WDPCP: variants seen among roughly 807,000 people sequenced by gnomAD.
The protein encoded by WDPCP is WD repeat containing planar cell polarity effector.
WDPCP carries 71 observed loss-of-function variants against 93.1 expected under a neutral mutation model. The ratio of observed to expected loss-of-function variants is 0.76; its 90% CI spans 0.63 to 0.93. WDPCP has a LOEUF of 0.93. Ranked by LOEUF, WDPCP falls within the 40% of genes least tolerant of loss-of-function variation. The pLI, the probability that WDPCP is intolerant of heterozygous loss-of-function variation, is 0.00. For synonymous variants in WDPCP, 315 were observed against 315.0 expected (o/e 1.00, Z 0.00); for missense variants, 844 against 887.4 (o/e 0.95, Z 0.62).
chr2:63,739,187 C>A (rs1216958346), intron 2 of WDPCP, among the ~76,000 whole-genome samples: 1 of 152,092 alleles, frequency 6.6e-6, no homozygotes, highest in East Asian at 1.9e-4. Flanking sequence ...CTTCCTCCCA[C>A]CTCAAGTAGA....
intron 1 of WDPCP, among the ~76,000 whole-genome samples, chr2:63,555,465 C>A (rs1395774615): frequency 6.6e-6 from 1 of 152,230 alleles, no homozygotes; most frequent in Non-Finnish European, 1.5e-5. Context: ...CCCCCCAGTG[C>A]AGCACACCCT....
chr2:63,595,496 A>T, intron 3 of WDPCP: 1 of 1,611,440 alleles, frequency 6.2e-7, no homozygotes. Flanking sequence ...GAACTGCAAG[A>T]CTGTGCCCTT....
intron 9 of WDPCP, among the ~76,000 whole-genome samples, chr2:63,407,533 C>T (rs1694683012): frequency 6.6e-6 from 1 of 152,154 alleles, no homozygotes; most frequent in Non-Finnish European, 1.5e-5. Flanking sequence ...CCCACATTTT[C>T]CCTGCTCTAT....
At chr2:63,482,268 G>A (rs868509783) in intron 6 of WDPCP, among the ~76,000 whole-genome samples, 20 of 151,928 alleles carry the variant, frequency 1.3e-4, no homozygotes, top group African/African-American at 4.3e-4. Flanking sequence ...AGAAAATGAC[G>A]TACATTAGCA....
intron 14 of WDPCP, among the ~76,000 whole-genome samples, chr2:63,235,813 C>T (rs1679339510): frequency 6.6e-6 from 1 of 151,874 alleles, no homozygotes; most frequent in Non-Finnish European, 1.5e-5. Flanking sequence ...TGATAAAAAC[C>T]CTCAACAAAC....
chr2:63,549,242 T>TCC (rs1705385616), intron 1 of WDPCP, among the ~76,000 whole-genome samples: 1 of 80,450 alleles, frequency 1.2e-5, no homozygotes. Flanking sequence ...AGAGTGAGAC[T>TCC]GTCTCAAAAA....
intron 2 of WDPCP, chr2:63,717,070 G>A: frequency 3.6e-6 from 1 of 275,144 alleles, no homozygotes; most frequent in Non-Finnish European, 7.0e-6. Flanking sequence ...TCCCATTCCT[G>A]AGGCAGCTCT....
At chr2:63,521,802 TA>T (rs1341435649) in intron 1 of WDPCP, among the ~76,000 whole-genome samples, 4 of 151,712 alleles carry the variant, frequency 2.6e-5, no homozygotes, top group Non-Finnish European at 5.9e-5. Flanking sequence ...CTCAGCAAAT[TA>T]AAAAACACCA....
chr2:63,814,958 A>G (rs1670909589), intron 1 of WDPCP, among the ~76,000 whole-genome samples: 2 of 152,250 alleles, frequency 1.3e-5, no homozygotes, highest in African/African-American at 4.8e-5. Flanking sequence ...TTATTTACCT[A>G]GAAGTTTCAA....
Position 63,414,693 on chromosome 2 carries a change from A to G in WDPCP, c.826-10036T>C, listed in dbSNP as rs559608478. Among the ~76,000 whole-genome samples the G allele has an allele frequency of 3.3e-5, 5 of 152,314 alleles. No homozygotes were observed. The East Asian group carries it at 9.6e-4, about 29-fold the overall frequency. On this transcript the variant is annotated intron_variant, in intron 9 of 17. Coordinates refer to ENST00000272321, the MANE Select transcript of WDPCP (RefSeq NM_015910.7). ...CTAAGTTATAAAGATGCAAAGGCCTAAGAATGATACAAAGGACTGTGGGGA... is the reference window on the plus strand; with the variant it reads ...CTAAGTTATAAAGATGCAAAGGCCTGAGAATGATACAAAGGACTGTGGGGA...
At chr2:63,403,145 C>G (rs1234653660) in intron 10 of WDPCP, among the ~76,000 whole-genome samples, 1 of 152,142 alleles carries the variant, frequency 6.6e-6, no homozygotes, top group African/African-American at 2.4e-5. Context: ...AGCTGAACGC[C>G]ATTATCCTTA....
At chr2:63,684,377 C>A in intron 2 of WDPCP, 1 of 727,074 alleles carries the variant, frequency 1.4e-6, no homozygotes, top group South Asian at 1.4e-5. Flanking sequence ...GCAAAGCCAT[C>A]ATCATGAAGA....
In WDPCP at chr2:63,303,970, C is replaced by CAAAAAAAAAAAAAAAAAAAAAAAAAAA. The variant is rs34553510; in HGVS notation, c.1812+9277_1812+9278insTTTTTTTTTTTTTTTTTTTTTTTTTTT. On this transcript the variant is annotated intron_variant, in intron 13 of 17. Coordinates refer to ENST00000272321, the MANE Select transcript of WDPCP (RefSeq NM_015910.7). The stretch of plus-strand genomic sequence containing the variant: ...CTCAGAATGGCTATTAGTAAAAAGT[C>CAAAAAAAAAAAAAAAAAAAAAAAAAAA]AAAAAAAAAAAAAAAACAGATGTAG... Among the ~76,000 whole-genome samples, 4 of 131,360 alleles carry CAAAAAAAAAAAAAAAAAAAAAAAAAAA rather than the reference C, an allele frequency of 3.0e-5. 1 individual carries two copies. Among genetic ancestry groups the CAAAAAAAAAAAAAAAAAAAAAAAAAAA allele is most frequent in the Non-Finnish European group, 3.3e-5 (2 of 61,358 alleles). The allele number at this position is 131,360 out of a possible 152,430, so 86.2% of individuals were successfully genotyped here.
At chr2:63,597,228 TA>T in intron 3 of WDPCP, 1 of 933,640 alleles carries the variant, frequency 1.1e-6, no homozygotes, top group Non-Finnish European at 1.3e-6. Context: ...TTTCTAATGT[TA>T]TGATTGTTAA....
intron 13 of WDPCP, among the ~76,000 whole-genome samples, chr2:63,267,763 C>T (rs952152838): frequency 4.6e-5 from 7 of 152,004 alleles, no homozygotes; most frequent in Admixed American, 4.6e-4. Context: ...AAATTAAAAC[C>T]ACAACGAGAT....
At chr2:63,802,452 T>G (rs1446948011) in intron 2 of WDPCP, among the ~76,000 whole-genome samples, 1 of 152,166 alleles carries the variant, frequency 6.6e-6, no homozygotes, top group East Asian at 1.9e-4. Context: ...ATAACAATAT[T>G]TCCAGTGATA....
chr2:63,653,986 T>A (rs1469334476), intron 2 of WDPCP, among the ~76,000 whole-genome samples: 4 of 149,914 alleles, frequency 2.7e-5, no homozygotes, highest in Non-Finnish European at 4.4e-5. Context: ...AATCAGTTGA[T>A]AGAAACAGAC....
chr2:63,761,919 ATCT>A (rs1173659248), intron 2 of WDPCP, among the ~76,000 whole-genome samples: 1 of 152,154 alleles, frequency 6.6e-6, no homozygotes. Flanking sequence ...GTATTAACAC[ATCT>A]TCTTTTGGGC....
intron 2 of WDPCP, among the ~76,000 whole-genome samples, chr2:63,690,415 C>T (rs1406745666): frequency 6.6e-6 from 1 of 152,046 alleles, no homozygotes; most frequent in Admixed American, 6.6e-5. Context: ...CCAGTAAGTC[C>T]CACTTAGGAA....
Sources: allele counts gnomAD v4.1 joint callset (sites outside exome capture counted in the v4.1 genomes callset), GRCh38; gene constraint gnomAD v4.1.1; transcripts MANE v1.5; gene names NCBI Gene and HGNC (gene_info 2026-07-23, HGNC 2026-07-21).